Variants in SRP54 observed in about 807,000 individuals in gnomAD.
SRP54 encodes signal recognition particle subunit SRP54.
SRP54 carries 10 observed loss-of-function variants against 64.8 expected under a neutral mutation model. The observed-to-expected ratio is 0.15, with a 90% confidence interval of 0.10 to 0.26. The LOEUF is 0.26. SRP54 is among the 10% of genes least tolerant of loss of function. SRP54 has a pLI of 1.00. For synonymous variants in SRP54, 193 were observed against 185.6 expected, an observed-to-expected ratio of 1.04 and a Z score of -0.32; for missense variants, 325 against 613.7, an observed-to-expected ratio of 0.53 and a Z score of 4.97.
Position 35,014,792 on chromosome 14 carries a change from T to G in SRP54, c.935T>G (p.Leu312Trp). 6.2e-7 allele frequency: 1 copy of G among 1,613,964 alleles called. No homozygotes were observed. The highest frequency in any genetic ancestry group is 8.5e-7 in the Non-Finnish European group (1 of 1,179,964). The change falls in exon 11 of 16, where the codon TTG becomes TGG. Residue 312 changes from leucine (L) to tryptophan (W), a missense_variant. Leu to Trp is a moderately conservative substitution (Grantham distance 61). Coordinates refer to ENST00000216774, the MANE Select transcript of SRP54 (RefSeq NM_003136.4). Reference protein sequence around the residue: ...GLIDKVNELKLDDNEALIEKL... With the variant: ...GLIDKVNELKWDDNEALIEKL... The stretch of plus-strand genomic sequence containing the variant: ...ATAGATAAAGTCAACGAGTTGAAGT[T>G]GGATGACAATGAAGCACTTATAGAG...
At position 34,995,159 on chromosome 14, in the gene SRP54, G is replaced by GTGTGTGTT. The variant is rs1555353256; in HGVS notation, c.-33-1511_-33-1510insTTGTGTGT. Among the ~76,000 whole-genome samples, 461 of 140,890 alleles carry GTGTGTGTT rather than the reference G, an allele frequency of 3.3e-3. 7 individuals carry two copies. The highest frequency in any genetic ancestry group is 0.012 in the African/African-American group (445 of 38,648). 92.4% of individuals were successfully genotyped at this position (140,890 alleles called of 152,430 possible). A position where few individuals can be genotyped will look rare whatever the true frequency, so the allele number is the denominator to read the frequency against. ...GGTGTGTGTGTGTGTGTGTGTGTGTGTGTGTGTGTGTGTGTGTGTGTGTGT... is the reference window on the plus strand; with the variant it reads ...GGTGTGTGTGTGTGTGTGTGTGTGTGTGTGTGTTTGTGTGTGTGTGTGTGTGTGTGTGT... On this transcript the variant is annotated intron_variant, in intron 1 of 15. Transcript: ENST00000216774.
At chr14:34,995,469 TTCTC>T (rs1204492926) in intron 1 of SRP54, among the ~76,000 whole-genome samples, 3 of 152,142 alleles carry the variant, frequency 2.0e-5, no homozygotes, top group African/African-American at 7.2e-5. Context: ...ACAGGAGGAA[TTCTC>T]TCTTAGTGTT....
At position 35,028,934 on chromosome 14, in the gene SRP54, G is replaced by T. The variant is rs541212364; in HGVS notation, c.1424-127G>T. The stretch of plus-strand genomic sequence containing the variant: ...ATTTTTAGGTGGTACGTTCTTTAAG[G>T]CTGATGACTAAATTGCAATCAGAAT... On this transcript the variant is annotated intron_variant, in intron 15 of 15. Transcript: ENST00000216774. 3.3e-5 allele frequency: 23 copies of T among 693,870 alleles called. No homozygotes were observed. In the African/African-American group the frequency reaches 3.8e-4, roughly 11 times the overall value. The allele number at this position is 693,870 out of a possible 1,614,324, so 43.0% of individuals were successfully genotyped here.
At chr14:35,001,889 A>T (rs1040205406) in intron 4 of SRP54, among the ~76,000 whole-genome samples, 1 of 152,122 alleles carries the variant, frequency 6.6e-6, no homozygotes, top group African/African-American at 2.4e-5. Context: ...TAGAAAAAAA[A>T]AGAAAGGAGC....
rs1485949267 is a variant in SRP54, at chr14:34,987,231, A to G, written c.-34+4016A>G. On this transcript the variant is annotated intron_variant, in intron 1 of 15. Coordinates refer to ENST00000216774, the MANE Select transcript of SRP54 (RefSeq NM_003136.4). ...GGGTGACAGAGAGACACTACATCTG[A>G]AAAAAAAAAAAAAAAATATATATAT... Among the ~76,000 whole-genome samples, 362 of 49,906 alleles carry G rather than the reference A, an allele frequency of 7.3e-3. 3 individuals are homozygous for G. The highest frequency in any genetic ancestry group is 0.021 in the African/African-American group (352 of 16,828). The allele number at this position is 49,906 out of a possible 152,430, so 32.7% of individuals were successfully genotyped here. A position where few individuals can be genotyped will look rare whatever the true frequency, so the allele number is the denominator to read the frequency against.
chr14:34,997,460 A>G (rs2044088708), intron 2 of SRP54, among the ~76,000 whole-genome samples: 1 of 152,208 alleles, frequency 6.6e-6, no homozygotes, highest in South Asian at 2.1e-4. Context: ...TTGGTGTTAG[A>G]AGACATTGGT....
At chr14:34,989,000 T>G (rs913333800) in intron 1 of SRP54, among the ~76,000 whole-genome samples, 6 of 152,266 alleles carry the variant, frequency 3.9e-5, no homozygotes, top group African/African-American at 7.2e-5. Context: ...TACTGTATTG[T>G]TTAGGGAATA....
Position 35,018,735 on chromosome 14 carries a change from C to T in SRP54, c.1017C>T (p.Ile339=), listed in dbSNP as rs1211250931. The change falls in exon 12 of 16, where the codon ATC becomes ATT. Residue 339 remains isoleucine (I), a synonymous_variant. Coordinates refer to ENST00000216774, the MANE Select transcript of SRP54 (RefSeq NM_003136.4). ...ACATGTATGAGCAATTTCAAAATATCATGAAAATGGGCCCCTTCAGTCAGA... is the reference window on the plus strand; with the variant it reads ...ACATGTATGAGCAATTTCAAAATATTATGAAAATGGGCCCCTTCAGTCAGA... ...LRDMYEQFQN[I]MKMGPFSQIL... The T allele has an allele frequency of 6.2e-7, 1 of 1,613,574 alleles. No homozygotes were observed. Among genetic ancestry groups the T allele is most frequent in the Non-Finnish European group, 8.5e-7 (1 of 1,179,786 alleles).
chr14:35,018,014 C>T (rs952859203), intron 11 of SRP54, among the ~76,000 whole-genome samples: 13 of 152,048 alleles, frequency 8.5e-5, no homozygotes, highest in African/African-American at 2.9e-4. Context: ...CTGAGGCAGG[C>T]GGTCACTTGA....
intron 1 of SRP54, among the ~76,000 whole-genome samples, chr14:34,987,804 A>G (rs1403103780): frequency 6.6e-6 from 1 of 152,186 alleles, no homozygotes; most frequent in Non-Finnish European, 1.5e-5. Flanking sequence ...CTGATGGCTA[A>G]TATTTTTTAA....
intron 1 of SRP54, among the ~76,000 whole-genome samples, chr14:34,984,879 C>G (rs1241622340): frequency 6.6e-6 from 1 of 151,040 alleles, no homozygotes; most frequent in East Asian, 2.0e-4. Flanking sequence ...CTCATTAGGT[C>G]CAAAACCAAA....
At chr14:34,999,091 T>C (rs1486927294) in intron 2 of SRP54, among the ~76,000 whole-genome samples, 28 of 140,968 alleles carry the variant, frequency 2.0e-4, no homozygotes, top group African/African-American at 7.2e-4. Flanking sequence ...CTTGGCTCAC[T>C]GCAGCCTCCG....
chr14:34,988,587 ATATATATAACATATATATATATAATG>A, intron 1 of SRP54, among the ~76,000 whole-genome samples: 16 of 126,420 alleles, frequency 1.3e-4, no homozygotes, highest in Admixed American at 1.2e-3. Context: ...AAATATATAT[ATATATATAACATATATATATATAATG>A]TATATATTTT....
intron 11 of SRP54, among the ~76,000 whole-genome samples, chr14:35,017,121 C>G (rs2044456670): frequency 6.6e-6 from 1 of 152,170 alleles, no homozygotes; most frequent in Admixed American, 6.6e-5. Flanking sequence ...TCCCAAAGTG[C>G]TGAGATTACA....
chr14:34,997,112 C>G (rs1412798992), intron 2 of SRP54, among the ~76,000 whole-genome samples: 1 of 151,956 alleles, frequency 6.6e-6, no homozygotes, highest in Non-Finnish European at 1.5e-5. Context: ...TGATATAGAC[C>G]TAAAATTTCA....
At chr14:34,993,463 T>G (rs890388843) in intron 1 of SRP54, 2 of 152,176 alleles carry the variant, frequency 1.3e-5, no homozygotes, top group African/African-American at 4.8e-5. Flanking sequence ...TTTTTTTCAA[T>G]TTCATCAAGT....
intron 13 of SRP54, among the ~76,000 whole-genome samples, chr14:35,022,650 T>A (rs773028244): frequency 2.8e-4 from 42 of 152,222 alleles, no homozygotes; most frequent in Non-Finnish European, 1.0e-4. Context: ...CCACCACGCC[T>A]GGCCTCCATG....
chr14:35,026,806 G>A (rs1306562297), intron 14 of SRP54, among the ~76,000 whole-genome samples: 1 of 152,024 alleles, frequency 6.6e-6, no homozygotes, highest in Non-Finnish European at 1.5e-5. Context: ...AGCTGGGTGT[G>A]GTGGCTCATG....
At chr14:35,003,860 G>T (rs1274063435) in intron 4 of SRP54, among the ~76,000 whole-genome samples, 1 of 151,898 alleles carries the variant, frequency 6.6e-6, no homozygotes, top group Non-Finnish European at 1.5e-5. Context: ...CTTGAATCCG[G>T]GAGGTGGAGG....
Sources: gnomAD v4.1 joint callset for allele counts (sites outside exome capture counted in the v4.1 genomes callset) on GRCh38, gnomAD v4.1.1 for gene constraint, MANE v1.5 for transcripts, NCBI Gene and HGNC (gene_info 2026-07-23, HGNC 2026-07-21) for gene names.